PTAR1: variants seen among roughly 807,000 people sequenced by gnomAD.
The protein encoded by PTAR1 is protein prenyltransferase alpha subunit repeat-containing protein 1.
Under a neutral mutation model 45.5 loss-of-function variants are expected in PTAR1, and 17 were observed. That is an observed-to-expected ratio of 0.37 (90% CI 0.26 to 0.56). The LOEUF is 0.56. Among genes scored for constraint, PTAR1 ranks in the 20% least tolerant of loss-of-function variants. The pLI is 0.77. For missense variants in PTAR1, 391 were observed against 476.3 expected (o/e 0.82, Z 1.67); for synonymous variants, 169 against 171.3 (o/e 0.99, Z 0.11).
chr9:69,736,651 T>G (rs1003015582), intron 3 of PTAR1, among the ~76,000 whole-genome samples: 1 of 152,210 alleles, frequency 6.6e-6, no homozygotes, highest in African/African-American at 2.4e-5. Flanking sequence ...TCTACCTTTA[T>G]TCCCATATAT....
Position 69,723,498 on chromosome 9 carries a change from C to T in PTAR1, c.775G>A (p.Glu259Lys). 1 of 1,613,848 alleles carries T rather than the reference C, an allele frequency of 6.2e-7. No individual in the cohort carries two copies. Among genetic ancestry groups the T allele is most frequent in the Non-Finnish European group, 8.5e-7 (1 of 1,179,836 alleles). The change falls in exon 6 of 8, where the codon GAG becomes AAG. Residue 259 changes from glutamate (E) to lysine (K), a missense_variant. Coordinates refer to ENST00000340434, the MANE Select transcript of PTAR1 (RefSeq NM_001099666.2). ...SQTVIDSSVM[E>K]QNPLRSEPAL... The stretch of plus-strand genomic sequence containing the variant: ...GGCTCACTTCTCAAAGGATTTTGCT[C>T]CATCACAGAACTGTCTATCACAGTT...
intron 5 of PTAR1, among the ~76,000 whole-genome samples, chr9:69,724,820 AAATG>A (rs1449735188): frequency 7.2e-5 from 11 of 152,220 alleles, no homozygotes; most frequent in African/African-American, 2.7e-4. Flanking sequence ...ATATTTTATG[AAATG>A]AATGAACAAT....
At chr9:69,741,053 G>A (rs1370848921) in intron 3 of PTAR1, among the ~76,000 whole-genome samples, 1 of 152,126 alleles carries the variant, frequency 6.6e-6, no homozygotes, top group Non-Finnish European at 1.5e-5. Context: ...AATGGCTACT[G>A]TACTGGATTG....
intron 1 of PTAR1, among the ~76,000 whole-genome samples, chr9:69,754,603 C>T (rs1826683398): frequency 7.5e-6 from 1 of 133,198 alleles, no homozygotes; most frequent in South Asian, 2.4e-4. Context: ...TGAAGTGGTG[C>T]AATCCTCACT....
rs888894346 is a variant in PTAR1, at chr9:69,715,646, T to G, written c.*2696A>C. On this transcript the variant is annotated 3_prime_UTR_variant, in exon 8 of 8. Coordinates refer to ENST00000340434, the MANE Select transcript of PTAR1 (RefSeq NM_001099666.2). ...TTTCCTTTTAACAATTAGATTGTTA[T>G]AGAAAAATAAGTGAAGACTAAAAGT... 6.6e-6 allele frequency: 1 copy of G among 152,068 alleles called. No homozygotes were observed. Among genetic ancestry groups the G allele is most frequent in the Non-Finnish European group, 1.5e-5 (1 of 67,996 alleles). The allele number at this position is 152,068 out of a possible 1,614,324, so 9.4% of individuals were successfully genotyped here.
At chr9:69,756,347 G>A (rs1481844853) in intron 1 of PTAR1, among the ~76,000 whole-genome samples, 3 of 152,042 alleles carry the variant, frequency 2.0e-5, no homozygotes, top group Non-Finnish European at 2.9e-5. Flanking sequence ...TTTATTCTAA[G>A]TACCCTTCTT....
chr9:69,751,412 T>C (rs1826528887), intron 1 of PTAR1, among the ~76,000 whole-genome samples: 1 of 151,212 alleles, frequency 6.6e-6, no homozygotes, highest in Non-Finnish European at 1.5e-5. Flanking sequence ...TATGCTGACA[T>C]AAAAAAAGTT....
chr9:69,754,599 G>C (rs547267089), intron 1 of PTAR1, among the ~76,000 whole-genome samples: 17 of 142,124 alleles, frequency 1.2e-4, no homozygotes, highest in Non-Finnish European at 1.8e-4. Flanking sequence ...GGAGTGAAGT[G>C]GTGCAATCCT....
chr9:69,752,700 A>G (rs1002444485), intron 1 of PTAR1, among the ~76,000 whole-genome samples: 6 of 152,102 alleles, frequency 3.9e-5, no homozygotes, highest in African/African-American at 1.4e-4. Flanking sequence ...GTCAATATCC[A>G]TAATAAAATG....
intron 2 of PTAR1, among the ~76,000 whole-genome samples, chr9:69,749,127 A>G (rs1826409912): frequency 6.6e-6 from 1 of 152,194 alleles, no homozygotes; most frequent in Admixed American, 6.5e-5. Context: ...GTAAGAAGAC[A>G]CAGCAAAGCC....
intron 2 of PTAR1, among the ~76,000 whole-genome samples, chr9:69,749,202 T>C (rs1300031702): frequency 1.3e-5 from 2 of 152,056 alleles, no homozygotes; most frequent in Non-Finnish European, 2.9e-5. Flanking sequence ...ACAGAAAGGG[T>C]AGGTTGAGCT....
chr9:69,746,723 T>A (rs1192688568), intron 2 of PTAR1, among the ~76,000 whole-genome samples: 1 of 152,126 alleles, frequency 6.6e-6, no homozygotes, highest in Non-Finnish European at 1.5e-5. Context: ...CAGGGCACAT[T>A]ATACATAGAA....
At chr9:69,737,247 T>C (rs1588465676) in intron 3 of PTAR1, among the ~76,000 whole-genome samples, 1 of 151,978 alleles carries the variant, frequency 6.6e-6, no homozygotes, top group South Asian at 2.1e-4. Context: ...GTCTAGCTAA[T>C]TTTTTGTATT....
At chr9:69,742,751 T>C (rs1826096346) in intron 2 of PTAR1, among the ~76,000 whole-genome samples, 1 of 152,124 alleles carries the variant, frequency 6.6e-6, no homozygotes, top group East Asian at 1.9e-4. Flanking sequence ...TAAAAATGAA[T>C]GTGACAGATA....
At chr9:69,746,389 C>A (rs140553685) in intron 2 of PTAR1, among the ~76,000 whole-genome samples, 54 of 152,314 alleles carry the variant, frequency 3.5e-4, no homozygotes, top group African/African-American at 1.2e-3. Context: ...GTCTGCTGTC[C>A]TGCAAAGCAG....
rs1824608126 is a variant in PTAR1 at position 69,713,588 on chromosome 9, C to T, written c.*4754G>A. 6.6e-6 allele frequency: 1 copy of T among 152,072 alleles called. No homozygotes were observed. The highest frequency in any genetic ancestry group is 2.1e-4 in the South Asian group (1 of 4,818). 9.4% of individuals were successfully genotyped at this position (152,072 alleles called of 1,614,324 possible). The stretch of plus-strand genomic sequence containing the variant: ...CCCCTTTCAACTATATTACATTATG[C>T]CTGAATTTGAGAGGGAAGGAAGGTC... On this transcript the variant is annotated 3_prime_UTR_variant, in exon 8 of 8. Transcript: ENST00000340434.
intron 1 of PTAR1, among the ~76,000 whole-genome samples, chr9:69,754,043 T>C (rs1168473825): frequency 6.6e-6 from 1 of 152,176 alleles, no homozygotes; most frequent in Non-Finnish European, 1.5e-5. Flanking sequence ...GACACAGTGT[T>C]ATGCTGCTTT....
intron 1 of PTAR1, among the ~76,000 whole-genome samples, chr9:69,754,532 CTTTTTTT>C (rs60025062): frequency 1.3e-4 from 10 of 76,260 alleles, no homozygotes; most frequent in Admixed American, 4.5e-4. Context: ...GGGTATATAT[CTTTTTTT>C]TTTTTTTTTT....
At chr9:69,726,684 CATT>C (rs1825295018) in intron 5 of PTAR1, among the ~76,000 whole-genome samples, 1 of 151,894 alleles carries the variant, frequency 6.6e-6, no homozygotes. Flanking sequence ...CCTTAATTAT[CATT>C]AAGCCTAAAT....
Sources: gnomAD v4.1 joint callset for allele counts (sites outside exome capture counted in the v4.1 genomes callset) on GRCh38, gnomAD v4.1.1 for gene constraint, MANE v1.5 for transcripts, NCBI Gene and HGNC (gene_info 2026-07-23, HGNC 2026-07-21) for gene names.